The following ESRRG variants were observed in gnomAD, a reference collection of about 807,000 sequenced individuals.
ESRRG encodes estrogen related receptor gamma.
ESRRG carries 13 observed loss-of-function variants against 44.0 expected under a neutral mutation model. That is an observed-to-expected ratio of 0.30 (90% CI 0.19 to 0.47). The LOEUF (loss-of-function observed/expected upper bound fraction) is 0.47, where lower values mean the gene tolerates loss of function less well. Among genes scored for constraint, ESRRG ranks in the 20% least tolerant of loss-of-function variants. The probability of loss-of-function intolerance (pLI) is 1.00; values close to 1 mark genes in which losing one functional copy is unlikely to be tolerated. For synonymous variants in ESRRG, 215 were observed against 214.6 expected (o/e 1.00, Z -0.02); for missense variants, 395 against 580.6 (o/e 0.68, Z 3.29).
chr1:216,800,819 C>T (rs1301080594), intron 2 of ESRRG, among the ~76,000 whole-genome samples: 1 of 152,116 alleles, frequency 6.6e-6, no homozygotes, highest in Non-Finnish European at 1.5e-5. Context: ...GCTTATAAAT[C>T]CATGAGTTTA....
intron 2 of ESRRG, among the ~76,000 whole-genome samples, chr1:216,773,494 T>G (rs2093466248): frequency 6.6e-6 from 1 of 152,126 alleles, no homozygotes; most frequent in Admixed American, 6.6e-5. Context: ...GAAAAAATTG[T>G]CAATTGTAGT....
chr1:217,136,043 G>A (rs1014857570), intron 1 of ESRRG, among the ~76,000 whole-genome samples: 6 of 152,094 alleles, frequency 3.9e-5, no homozygotes, highest in Admixed American at 1.3e-4. Flanking sequence ...TAATTTTTGC[G>A]GAAGGGGGTA....
intron 2 of ESRRG, among the ~76,000 whole-genome samples, chr1:216,921,619 A>T (rs560762732): frequency 1.3e-5 from 2 of 152,256 alleles, no homozygotes; most frequent in South Asian, 4.1e-4. Flanking sequence ...CTGCTCCAGG[A>T]TCACCTGCTC....
At chr1:216,779,311 A>G (rs1269391784) in intron 2 of ESRRG, among the ~76,000 whole-genome samples, 4 of 73,330 alleles carry the variant, frequency 5.5e-5, no homozygotes, top group Non-Finnish European at 9.7e-5. Flanking sequence ...TAAACATTAT[A>G]TTTATAAATA....
intron 1 of ESRRG, among the ~76,000 whole-genome samples, chr1:217,121,766 G>C (rs1026339857): frequency 6.6e-6 from 1 of 152,160 alleles, no homozygotes; most frequent in Non-Finnish European, 1.5e-5. Context: ...CGGAGAGCCA[G>C]ATTCTTGTGC....
chr1:216,627,520 C>T (rs2063387146), intron 3 of ESRRG, among the ~76,000 whole-genome samples: 1 of 152,170 alleles, frequency 6.6e-6, no homozygotes, highest in African/African-American at 2.4e-5. Flanking sequence ...CTCTACTTTG[C>T]TGCGCAGGGT....
intron 5 of ESRRG, among the ~76,000 whole-genome samples, chr1:216,541,193 G>T (rs923133406): frequency 1.3e-5 from 2 of 152,034 alleles, no homozygotes; most frequent in African/African-American, 4.8e-5. Context: ...TATCTACTTG[G>T]CAGGAACAAC....
At chr1:216,649,732 T>C (rs1408999295) in intron 3 of ESRRG, among the ~76,000 whole-genome samples, 2 of 152,160 alleles carry the variant, frequency 1.3e-5, no homozygotes, top group East Asian at 1.9e-4. Flanking sequence ...TTTGTTCCTA[T>C]TTGATAAGTG....
At chr1:216,959,343 GA>G (rs35910013) in intron 1 of ESRRG, among the ~76,000 whole-genome samples, 116,208 of 151,484 alleles carry the variant, frequency 0.77, 44,966 homozygotes, top group Middle Eastern at 0.88. Context: ...CTATTTAAAA[GA>G]AAAAAAAACA....
chr1:216,882,611 G>C (rs1319380987), intron 2 of ESRRG, among the ~76,000 whole-genome samples: 5 of 152,148 alleles, frequency 3.3e-5, no homozygotes, highest in Non-Finnish European at 7.3e-5. Flanking sequence ...TATTTGTGTA[G>C]TCAAGAGTAT....
chr1:216,750,901 G>T (rs1174547412), intron 2 of ESRRG, among the ~76,000 whole-genome samples: 1 of 152,100 alleles, frequency 6.6e-6, no homozygotes, highest in East Asian at 1.9e-4. Flanking sequence ...AGTGCTCTGT[G>T]TTTAACCATT....
At chr1:217,050,655 C>T (rs1007504608) in intron 1 of ESRRG, among the ~76,000 whole-genome samples, 3 of 152,116 alleles carry the variant, frequency 2.0e-5, no homozygotes, top group Non-Finnish European at 2.9e-5. Context: ...TGAGAAAGCT[C>T]GGGCCATCCT....
chr1:217,063,152 A>G (rs1441286458), intron 1 of ESRRG, among the ~76,000 whole-genome samples: 2 of 152,176 alleles, frequency 1.3e-5, no homozygotes, highest in African/African-American at 4.8e-5. Flanking sequence ...GTTTCAGCAG[A>G]CAGGGAAAAG....
intron 1 of ESRRG, among the ~76,000 whole-genome samples, chr1:216,941,967 G>A (rs2065299278): frequency 6.6e-6 from 1 of 152,078 alleles, no homozygotes; most frequent in Non-Finnish European, 1.5e-5. Context: ...TGCTACAAGA[G>A]TATATTCTGC....
At chr1:217,021,822 G>A (rs901295884) in intron 1 of ESRRG, among the ~76,000 whole-genome samples, 6 of 152,096 alleles carry the variant, frequency 3.9e-5, no homozygotes, top group East Asian at 1.9e-4. Context: ...TTGTTCCTTC[G>A]ACATCGGATA....
chr1:217,137,431 C>T lies in ESRRG; in HGVS notation c.-230+236G>A, dbSNP rs182983536. ...TGCGGGGTGTGCCCACCGCCCATGG[C>T]TCCACGCAGGCGTTTGCGCGCGTCT... On this transcript the variant is annotated intron_variant, in intron 1 of 8. Transcript: ENST00000366940. Among the ~76,000 whole-genome samples the T allele has an allele frequency of 2.4e-3, 365 of 152,380 alleles. 1 individual carries two copies. Among genetic ancestry groups the T allele is most frequent in the African/African-American group, 8.3e-3 (345 of 41,596 alleles).
At chr1:216,917,057 C>A (rs1416981172) in intron 2 of ESRRG, among the ~76,000 whole-genome samples, 1 of 150,858 alleles carries the variant, frequency 6.6e-6, no homozygotes. Flanking sequence ...CTCAATTGAA[C>A]CTCTCTCTCT....
intron 1 of ESRRG, among the ~76,000 whole-genome samples, chr1:217,075,642 A>G (rs576933797): frequency 1.4e-4 from 21 of 148,158 alleles, no homozygotes; most frequent in Admixed American, 2.7e-4. Context: ...TTTTTGATAA[A>G]CATAGCTGGT....
chr1:216,863,650 A>C (rs1369436620), intron 2 of ESRRG: 1 of 152,200 alleles, frequency 6.6e-6, no homozygotes, highest in Non-Finnish European at 1.5e-5. Flanking sequence ...AGAAATAGTT[A>C]TTATTGTAGG....
Sources: gnomAD v4.1 joint callset for allele counts (sites outside exome capture counted in the v4.1 genomes callset) on GRCh38, gnomAD v4.1.1 for gene constraint, MANE v1.5 for transcripts, NCBI Gene and HGNC (gene_info 2026-07-23, HGNC 2026-07-21) for gene names.